Variants in FRMD8 observed in about 807,000 individuals in gnomAD.
The protein encoded by FRMD8 is FERM domain containing 8, also known as FERM domain-containing protein 8.
In FRMD8, 37 loss-of-function variants were observed where a neutral mutation model predicts 54.2. The ratio of observed to expected loss-of-function variants is 0.68; its 90% CI spans 0.53 to 0.90. The LOEUF is 0.90. Among genes scored for constraint, FRMD8 ranks in the 40% least tolerant of loss-of-function variants. FRMD8 has a pLI of 0.00. For missense variants in FRMD8, 585 were observed against 653.7 expected (o/e 0.89, Z 1.15); for synonymous variants, 246 against 286.9 (o/e 0.86, Z 1.44).
chr11:65,371,854 T>C, the FRMD8 span, among the ~76,000 whole-genome samples: 1 of 152,206 alleles, frequency 6.6e-6, no homozygotes, highest in Middle Eastern at 3.4e-3. Flanking sequence ...GACCTCGTGA[T>C]CTGCCCACCT....
chr11:65,406,194 A>AT (rs765076170), intron 10 of FRMD8, among the ~76,000 whole-genome samples: 200 of 129,602 alleles, frequency 1.5e-3, no homozygotes, highest in South Asian at 3.0e-3. Flanking sequence ...CACCCGGCTA[A>AT]TTTTTTTTTT....
the FRMD8 span, chr11:65,379,581 C>G: frequency 6.3e-7 from 1 of 1,592,604 alleles, no homozygotes; most frequent in Non-Finnish European, 8.6e-7. Context: ...GACACAGTGG[C>G]AGCGGAGTAG....
intron 2 of FRMD8, chr11:65,387,341 A>G (rs1046499731): frequency 1.5e-6 from 1 of 646,602 alleles, no homozygotes; most frequent in Non-Finnish European, 2.8e-6. Flanking sequence ...GAGCTTGTTT[A>G]ACATAGCTGT....
At chr11:65,377,393 C>T in the FRMD8 span, 1 of 1,215,716 alleles carries the variant, frequency 8.2e-7, no homozygotes, top group Non-Finnish European at 1.0e-6. Context: ...AGGTTGGTTT[C>T]TGGCCTCCCT....
chr11:65,383,907 G>A (rs563377590), upstream of FRMD8, among the ~76,000 whole-genome samples: 3 of 152,208 alleles, frequency 2.0e-5, no homozygotes, highest in Admixed American at 6.5e-5. Flanking sequence ...CCCAATGGGC[G>A]GTTACATTAT....
intron 3 of FRMD8, 86 bp from the exon 4 acceptor site, chr11:65,393,484 TGTC>T: frequency 1.1e-6 from 1 of 942,014 alleles, no homozygotes. Flanking sequence ...TGGTTGCGAC[TGTC>T]GTCATGCTGT....
chr11:65,380,406 C>T, the FRMD8 span: 1 of 915,726 alleles, frequency 1.1e-6, no homozygotes, highest in Non-Finnish European at 1.6e-6. Context: ...ACCCCAGGCC[C>T]CACCTGAGGA....
chr11:65,391,009 C>T (rs2137871385), intron 3 of FRMD8, among the ~76,000 whole-genome samples: 1 of 152,348 alleles, frequency 6.6e-6, no homozygotes, highest in East Asian at 1.9e-4. Context: ...CTTGGGCCCC[C>T]CCAGAACCCT....
chr11:65,410,678 T>C (rs1856310420), intron 10 of FRMD8, among the ~76,000 whole-genome samples: 1 of 152,054 alleles, frequency 6.6e-6, no homozygotes, highest in African/African-American at 2.4e-5. Flanking sequence ...TAGTCCCAGC[T>C]TCTCAGGAGG....
the FRMD8 span, among the ~76,000 whole-genome samples, chr11:65,370,032 C>CAAAA: frequency 6.7e-6 from 1 of 149,816 alleles, no homozygotes; most frequent in African/African-American, 2.4e-5. Flanking sequence ...ACTCTGTCTC[C>CAAAA]AAAAAAATAA....
At chr11:65,396,756 A>G (rs1308011278) in intron 6 of FRMD8, 43 bp from the exon 7 acceptor site, 4 of 1,330,730 alleles carry the variant, frequency 3.0e-6, no homozygotes, top group Non-Finnish European at 4.0e-6. Flanking sequence ...TGAGCCTGGC[A>G]CCTCTGGTTG....
the FRMD8 span, chr11:65,377,215 C>A: frequency 6.9e-7 from 1 of 1,441,924 alleles, no homozygotes; most frequent in Non-Finnish European, 9.1e-7. Flanking sequence ...CAGCCTCTCA[C>A]GTGCATGTGT....
chr11:65,380,508 T>C, the FRMD8 span: 2 of 1,384,938 alleles, frequency 1.4e-6, no homozygotes, highest in East Asian at 3.6e-5. Flanking sequence ...GCCGCGGGAC[T>C]CTGGGAGAAT....
In FRMD8 at chr11:65,389,509, G is replaced by A. The variant is rs1173430310; in HGVS notation, c.234G>A (p.Trp78Ter). ...PDIALDVFALWLVSPLLEVQL... is the reference protein window; with the variant it reads ...PDIALDVFAL ...TCGCCCTGGATGTCTTCGCGCTCTG[G>A]CTGGTCTCCCCTCTGCTGGGTAAGG... is the stretch of plus-strand genomic sequence containing the variant. The change falls in exon 3 of 11, where the codon TGG (tryptophan) becomes TGA (stop). Residue 78 changes from tryptophan to a stop codon, truncating the protein, a stop_gained. Coordinates refer to ENST00000317568, the MANE Select transcript of FRMD8 (RefSeq NM_031904.5). LOFTEE classifies it high-confidence loss of function. The A allele has an allele frequency of 6.3e-7, 1 of 1,595,498 alleles. No homozygotes were observed.
At chr11:65,383,184 C>A, upstream of FRMD8, 1 of 152,912 alleles carries the variant, frequency 6.5e-6, no homozygotes. Context: ...CTCCCCGCAG[C>A]TCCTAGTCTC....
chr11:65,404,242 A>T lies in FRMD8; in HGVS notation c.1072-622A>T, dbSNP rs1485698211. ...AGTGCTTGGCACGTGGGAGGCACTC[A>T]GGAAATACCTGTGTCCTAAGGGGTG... On this transcript the variant is annotated intron_variant, in intron 9 of 10. Transcript: ENST00000317568. This position sits in a 1 kb window ranked among gnomAD's most constrained non-coding sequence, Gnocchi z 4.7. Among the ~76,000 whole-genome samples the T allele has an allele frequency of 6.6e-6, 1 of 152,184 alleles. No individual in the cohort carries two copies. The highest frequency in any genetic ancestry group is 1.9e-4 in the East Asian group (1 of 5,198).
At chr11:65,390,908 A>G (rs1336775340) in intron 3 of FRMD8, among the ~76,000 whole-genome samples, 1 of 152,186 alleles carries the variant, frequency 6.6e-6, no homozygotes, top group African/African-American at 2.4e-5. Context: ...CCCACACAGG[A>G]GGATGGTGGC....
chr11:65,382,030 C>A (rs902729756), upstream of FRMD8: 19 of 1,202,050 alleles, frequency 1.6e-5, no homozygotes, highest in Non-Finnish European at 2.4e-5. The surrounding 1 kb of genome is among the most constrained non-coding windows in gnomAD (Gnocchi z 4.4). Flanking sequence ...CTGGCCCACG[C>A]TGATAACCTC....
chr11:65,407,629 G>A (rs545846277), intron 10 of FRMD8, among the ~76,000 whole-genome samples: 33 of 151,646 alleles, frequency 2.2e-4, no homozygotes, highest in Middle Eastern at 3.4e-3. Flanking sequence ...GGTGGCTCAC[G>A]CCTGTAATCC....
Sources: allele counts gnomAD v4.1 joint callset (sites outside exome capture counted in the v4.1 genomes callset), GRCh38; gene constraint gnomAD v4.1.1; non-coding constraint Gnocchi (gnomAD v3.1); transcripts MANE v1.5; gene names NCBI Gene and HGNC (gene_info 2026-07-23, HGNC 2026-07-21).